Variants in LRCH3 observed in about 807,000 individuals in gnomAD.
LRCH3 encodes leucine rich repeats and calponin homology domain containing 3.
In LRCH3, 68 loss-of-function variants were observed where a neutral mutation model predicts 104.5. That is an observed-to-expected ratio of 0.65 (90% CI 0.54 to 0.80). The LOEUF (loss-of-function observed/expected upper bound fraction) is 0.80, where lower values mean the gene tolerates loss of function less well. Among genes scored for constraint, LRCH3 ranks in the 30% least tolerant of loss-of-function variants. The pLI, the probability that LRCH3 is intolerant of heterozygous loss-of-function variation, is 0.00. For missense variants in LRCH3, 951 were observed against 953.9 expected (o/e 1.00, Z 0.04); for synonymous variants, 344 against 361.3 (o/e 0.95, Z 0.54).
chr3:197,816,937 G>A (rs910699319), intron 2 of LRCH3, among the ~76,000 whole-genome samples: 3 of 152,066 alleles, frequency 2.0e-5, no homozygotes, highest in Admixed American at 2.0e-4. Flanking sequence ...GATAGGTAGG[G>A]AGATACTAAG....
chr3:197,840,388 C>T (rs916945669), intron 10 of LRCH3, among the ~76,000 whole-genome samples: 15 of 152,098 alleles, frequency 9.9e-5, no homozygotes, highest in African/African-American at 3.6e-4. Context: ...ACCCAGGAGG[C>T]GGAGGTTGCA....
At chr3:197,835,956 A>G in intron 9 of LRCH3, 134 bp downstream of exon 9, 2 of 978,446 alleles carry the variant, frequency 2.0e-6, no homozygotes, top group Non-Finnish European at 2.9e-6. Flanking sequence ...TTCTGATTTC[A>G]GTCCTGAGTT....
chr3:197,798,439 G>A (rs1448307792), intron 1 of LRCH3, among the ~76,000 whole-genome samples: 3 of 152,200 alleles, frequency 2.0e-5, no homozygotes, highest in African/African-American at 4.8e-5. Flanking sequence ...CACCATTGGT[G>A]TAAAGCCTAC....
Position 197,885,012 on chromosome 3 carries a change from T to C in LRCH3, c.*1346T>C, listed in dbSNP as rs1338880232. 1 of 152,208 alleles carries C rather than the reference T, an allele frequency of 6.6e-6. No individual in the cohort carries two copies. Among genetic ancestry groups the C allele is most frequent in the African/African-American group, 2.4e-5 (1 of 41,430 alleles). The allele number at this position is 152,208 out of a possible 1,614,324, so 9.4% of individuals were successfully genotyped here. On this transcript the variant is annotated 3_prime_UTR_variant, in exon 21 of 21. Coordinates refer to ENST00000425562, the MANE Select transcript of LRCH3 (RefSeq NM_001365715.1). ...GCAGTCATACCATCATAGAAGATAG[T>C]TCTATGTCATCCTGTTATCTGGACA...
At position 197,886,892 on chromosome 3, in the gene LRCH3, C is replaced by G. The variant is rs1348355580; in HGVS notation, c.*3226C>G. Reference sequence around the variant, plus strand: ...AAGACATTACATAATGCAATACTTGCAACATTTGCAACTAATTTTCCCATA... The same window carrying G: ...AAGACATTACATAATGCAATACTTGGAACATTTGCAACTAATTTTCCCATA... On this transcript the variant is annotated 3_prime_UTR_variant, in exon 21 of 21. Transcript: ENST00000425562. The G allele has an allele frequency of 6.6e-6, 1 of 151,476 alleles. No individual in the cohort carries two copies. The allele number at this position is 151,476 out of a possible 1,614,324, so 9.4% of individuals were successfully genotyped here. A position where few individuals can be genotyped will look rare whatever the true frequency, so the allele number is the denominator to read the frequency against.
At chr3:197,793,202 A>C (rs184047440) in intron 1 of LRCH3, among the ~76,000 whole-genome samples, 20 of 152,386 alleles carry the variant, frequency 1.3e-4, no homozygotes, top group Non-Finnish European at 2.9e-5. Context: ...GGAAAAATAA[A>C]CAGAACTGTT....
At chr3:197,840,198 G>A (rs1056731341) in intron 10 of LRCH3, among the ~76,000 whole-genome samples, 1 of 152,084 alleles carries the variant, frequency 6.6e-6, no homozygotes, top group Non-Finnish European at 1.5e-5. Flanking sequence ...AGCACTTTGG[G>A]AGGCTGAGGC....
At chr3:197,805,389 G>T (rs1243660473) in intron 1 of LRCH3, among the ~76,000 whole-genome samples, 2 of 152,200 alleles carry the variant, frequency 1.3e-5, no homozygotes, top group East Asian at 3.8e-4. Flanking sequence ...TTCTTCAGAG[G>T]GCTGGGACTA....
At chr3:197,872,958 C>T (rs1016360071) in intron 19 of LRCH3, among the ~76,000 whole-genome samples, 2 of 152,188 alleles carry the variant, frequency 1.3e-5, no homozygotes, top group Admixed American at 1.3e-4. Context: ...CCTGGACTAA[C>T]TGGGCAGTGA....
chr3:197,846,544 TAA>T (rs74615885), intron 10 of LRCH3, among the ~76,000 whole-genome samples: 1 of 135,836 alleles, frequency 7.4e-6, no homozygotes, highest in Non-Finnish European at 1.6e-5. Context: ...ACAGAAAAAT[TAA>T]AAAAAAAAAA....
At chr3:197,879,758 T>G (rs1007026580) in intron 20 of LRCH3, among the ~76,000 whole-genome samples, 3 of 152,216 alleles carry the variant, frequency 2.0e-5, no homozygotes, top group African/African-American at 7.2e-5. Context: ...TGAACCTTTT[T>G]GATGTACATG....
intron 12 of LRCH3, among the ~76,000 whole-genome samples, chr3:197,851,441 T>C (rs958959665): frequency 6.6e-6 from 1 of 152,106 alleles, no homozygotes; most frequent in African/African-American, 2.4e-5. Context: ...AAGAAGGAAA[T>C]TGCAATAGTT....
intron 20 of LRCH3, among the ~76,000 whole-genome samples, chr3:197,879,994 G>C (rs1210653511): frequency 6.7e-6 from 1 of 149,624 alleles, no homozygotes; most frequent in Non-Finnish European, 1.5e-5. Flanking sequence ...CACCCAGGCT[G>C]GAGTGCGGTG....
rs973015389 is a variant in LRCH3 at position 197,854,922 on chromosome 3, G to A, written c.1644+477G>A. Among the ~76,000 whole-genome samples, 11 of 152,134 alleles carry A rather than the reference G, an allele frequency of 7.2e-5. No homozygotes were observed. The highest frequency in any genetic ancestry group is 2.7e-4 in the African/African-American group (11 of 41,420). On this transcript the variant is annotated intron_variant, in intron 14 of 20. Transcript: ENST00000425562. This position sits in a 1 kb window ranked among gnomAD's most constrained non-coding sequence, Gnocchi z 4.5. ...TTACAGCTCAAGATTATTCCTTCAT[G>A]TTCACTTTTTAAACCCAAGGAAACA...
chr3:197,819,393 A>C (rs1212215559), intron 3 of LRCH3, among the ~76,000 whole-genome samples: 3 of 150,470 alleles, frequency 2.0e-5, no homozygotes, highest in Admixed American at 6.6e-5. Context: ...TTTTAGAACC[A>C]TTTTAATGCC....
chr3:197,837,195 C>T (rs1407259260), intron 9 of LRCH3, among the ~76,000 whole-genome samples: 3 of 152,098 alleles, frequency 2.0e-5, no homozygotes, highest in Non-Finnish European at 4.4e-5. Flanking sequence ...AACTATTTTG[C>T]AATAAAATTA....
At position 197,858,905 on chromosome 3, in the gene LRCH3, G is replaced by A; in HGVS notation, c.1716G>A (p.Lys572=). The A allele has an allele frequency of 1.9e-6, 3 of 1,612,528 alleles. No individual in the cohort carries two copies. The highest frequency in any genetic ancestry group is 2.5e-6 in the Non-Finnish European group (3 of 1,178,612). The change falls in exon 15 of 21, where the codon AAG becomes AAA. Residue 572 remains lysine (K), a splice_region_variant and synonymous_variant. Coordinates refer to ENST00000425562, the MANE Select transcript of LRCH3 (RefSeq NM_001365715.1). ...LPHSSAFTPL[K]SDDRPNALLS... ...ATTCTTCTGCCTTCACGCCTCTTAA[G>A]GTATCTCTTGTTATTGTAATTCACC...
intron 1 of LRCH3, among the ~76,000 whole-genome samples, chr3:197,806,581 G>C (rs759681234): frequency 6.1e-4 from 93 of 151,822 alleles, no homozygotes; most frequent in Non-Finnish European, 1.1e-3. Context: ...GGGTCTCTAA[G>C]AAAAGGGCAT....
chr3:197,857,728 A>G (rs574043419), intron 14 of LRCH3, among the ~76,000 whole-genome samples: 1 of 152,358 alleles, frequency 6.6e-6, no homozygotes, highest in African/African-American at 2.4e-5. Context: ...GGCCCAGGAA[A>G]TCTAAACCCC....
Sources: allele counts gnomAD v4.1 joint callset (sites outside exome capture counted in the v4.1 genomes callset), GRCh38; gene constraint gnomAD v4.1.1; non-coding constraint Gnocchi (gnomAD v3.1); transcripts MANE v1.5; gene names NCBI Gene and HGNC (gene_info 2026-07-23, HGNC 2026-07-21).